PCSK5: variants seen among roughly 807,000 people sequenced by gnomAD.
PCSK5 encodes the protein proprotein convertase subtilisin/kexin type 5, also known as prohormone convertase 5.
Under a neutral mutation model 233.2 loss-of-function variants are expected in PCSK5, and 129 were observed. The ratio of observed to expected loss-of-function variants is 0.55; its 90% CI spans 0.48 to 0.64. The LOEUF (loss-of-function observed/expected upper bound fraction) is 0.64, where lower values mean the gene tolerates loss of function less well. Ranked by LOEUF, PCSK5 falls within the 30% of genes least tolerant of loss-of-function variation. The probability of loss-of-function intolerance (pLI) is 0.00; values close to 1 mark genes in which losing one functional copy is unlikely to be tolerated. For missense variants in PCSK5, 2,076 were observed against 2,430.1 expected (o/e 0.85, Z 3.06); for synonymous variants, 825 against 879.2 (o/e 0.94, Z 1.09).
intron 9 of PCSK5, among the ~76,000 whole-genome samples, chr9:76,119,778 C>CT (rs1832563394): frequency 6.6e-6 from 1 of 151,990 alleles, no homozygotes; most frequent in African/African-American, 2.4e-5. Flanking sequence ...AGCATTTATC[C>CT]TTTAAGTTAC....
intron 2 of PCSK5, among the ~76,000 whole-genome samples, chr9:75,947,120 T>A (rs1763769126): frequency 6.6e-6 from 1 of 152,208 alleles, no homozygotes; most frequent in Non-Finnish European, 1.5e-5. Flanking sequence ...AGAATAATAA[T>A]AATTGTTATT....
intron 30 of PCSK5, among the ~76,000 whole-genome samples, chr9:76,311,186 T>C (rs982135185): frequency 2.0e-5 from 3 of 151,976 alleles, no homozygotes; most frequent in African/African-American, 2.4e-5. Flanking sequence ...CTAGGCAACA[T>C]AGCAAGACTC....
rs573029722 is a variant in PCSK5, at chr9:76,346,869, C to T, written c.4967-3959C>T. Among the ~76,000 whole-genome samples, 14 of 152,158 alleles carry T rather than the reference C, an allele frequency of 9.2e-5. No individual in the cohort carries two copies. In the East Asian group the frequency reaches 2.5e-3, roughly 27 times the overall value. On this transcript the variant is annotated intron_variant, in intron 35 of 37. Transcript: ENST00000674117. Reference sequence around the variant, plus strand: ...AGAAATTACCAGCTAAATTATATTTCGTTCACTTTGGACTGCCCAATAGTT... The same window carrying T: ...AGAAATTACCAGCTAAATTATATTTTGTTCACTTTGGACTGCCCAATAGTT...
intron 20 of PCSK5, among the ~76,000 whole-genome samples, chr9:76,203,596 C>T (rs942602924): frequency 3.9e-5 from 6 of 151,992 alleles, no homozygotes; most frequent in African/African-American, 1.5e-4. Flanking sequence ...AGAAAGAATG[C>T]AGCCTGATAA....
intron 20 of PCSK5, among the ~76,000 whole-genome samples, chr9:76,224,377 GT>G (rs1431182757): frequency 2.0e-5 from 3 of 152,002 alleles, no homozygotes; most frequent in Non-Finnish European, 4.4e-5. Flanking sequence ...CAGAAGATAA[GT>G]AAAAAGCCAA....
intron 17 of PCSK5, 99 bp from the exon 18 acceptor site, chr9:76,188,479 T>C: frequency 6.7e-6 from 5 of 746,146 alleles, no homozygotes; most frequent in Non-Finnish European, 1.2e-5. Context: ...CACTGGCCTC[T>C]GAGGGAAACT....
At chr9:75,996,337 A>C (rs1257840303) in intron 3 of PCSK5, among the ~76,000 whole-genome samples, 1 of 152,216 alleles carries the variant, frequency 6.6e-6, no homozygotes, top group Non-Finnish European at 1.5e-5. Flanking sequence ...TAGTAAATGC[A>C]ATGACCATGT....
chr9:76,174,406 A>C (rs1823480289), intron 13 of PCSK5, among the ~76,000 whole-genome samples: 1 of 151,796 alleles, frequency 6.6e-6, no homozygotes, highest in South Asian at 2.1e-4. Flanking sequence ...TCCCAGGTTC[A>C]AGGGATTCTT....
chr9:75,977,038 G>A (rs954776054), intron 2 of PCSK5, among the ~76,000 whole-genome samples: 1 of 152,112 alleles, frequency 6.6e-6, no homozygotes, highest in African/African-American at 2.4e-5. Context: ...ATCACTTAAC[G>A]TCATAGGTTT....
chr9:76,325,316 A>T (rs1441069727), intron 32 of PCSK5, among the ~76,000 whole-genome samples: 1 of 152,134 alleles, frequency 6.6e-6, no homozygotes, highest in Non-Finnish European at 1.5e-5. Flanking sequence ...CCATACAGAG[A>T]GCTTTACAGG....
At chr9:76,138,900 T>C (rs1823086541) in intron 10 of PCSK5, among the ~76,000 whole-genome samples, 1 of 152,030 alleles carries the variant, frequency 6.6e-6, no homozygotes, top group Non-Finnish European at 1.5e-5. Context: ...TCTCTTTTTT[T>C]CTACCAGCAT....
intron 2 of PCSK5, among the ~76,000 whole-genome samples, chr9:75,943,325 T>TAA (rs1179829726): frequency 6.6e-6 from 1 of 152,102 alleles, no homozygotes; most frequent in African/African-American, 2.4e-5. Context: ...TTGGACAAAT[T>TAA]AAGATAAAAT....
At chr9:76,334,414 G>C (rs1003164045) in intron 34 of PCSK5, among the ~76,000 whole-genome samples, 1 of 152,162 alleles carries the variant, frequency 6.6e-6, no homozygotes, top group Non-Finnish European at 1.5e-5. Context: ...ACTCAGCACA[G>C]AGCCACACAT....
intron 33 of PCSK5, among the ~76,000 whole-genome samples, chr9:76,329,908 G>A (rs1049976268): frequency 2.6e-5 from 4 of 152,008 alleles, no homozygotes; most frequent in Admixed American, 2.6e-4. Flanking sequence ...CCCGTGATCA[G>A]TTGCAGAGTG....
chr9:76,346,729 CG>C (rs150167795), intron 35 of PCSK5, among the ~76,000 whole-genome samples: 127 of 152,054 alleles, frequency 8.4e-4, no homozygotes, highest in Non-Finnish European at 1.4e-3. Context: ...GTTTTTCTCA[CG>C]GGATATAAAC....
At chr9:75,981,280 GAAGA>G (rs1487567082) in intron 2 of PCSK5, among the ~76,000 whole-genome samples, 5 of 152,228 alleles carry the variant, frequency 3.3e-5, no homozygotes, top group African/African-American at 7.2e-5. Flanking sequence ...TTCAAAGCTG[GAAGA>G]AAGAGAGTAG....
chr9:76,093,217 C>T lies in PCSK5; in HGVS notation c.895-2673C>T, dbSNP rs576640590. Among the ~76,000 whole-genome samples the T allele has an allele frequency of 1.4e-3, 207 of 151,618 alleles. No homozygotes were observed. In the East Asian group the frequency reaches 0.02, roughly 15 times the overall value. ...CCAAGCAATCCTTCCACCTCAGCCC[C>T]TAAAATAGCTGAGACTAGAAGCATG... On this transcript the variant is annotated intron_variant, in intron 7 of 37. Transcript: ENST00000674117.
At chr9:75,910,769 A>T (rs920506306) in intron 1 of PCSK5, among the ~76,000 whole-genome samples, 2 of 152,178 alleles carry the variant, frequency 1.3e-5, no homozygotes, top group South Asian at 4.1e-4. Context: ...TGCTTCCAGA[A>T]TTATGACACC....
intron 24 of PCSK5, among the ~76,000 whole-genome samples, chr9:76,289,293 G>A (rs1828190838): frequency 6.6e-6 from 1 of 152,044 alleles, no homozygotes; most frequent in African/African-American, 2.4e-5. Flanking sequence ...AAATGTGTGA[G>A]GCTCTCTCTG....
Sources: gnomAD v4.1 joint callset for allele counts (sites outside exome capture counted in the v4.1 genomes callset) on GRCh38, gnomAD v4.1.1 for gene constraint, MANE v1.5 for transcripts, NCBI Gene and HGNC (gene_info 2026-07-23, HGNC 2026-07-21) for gene names.